The following CDH12 variants were observed in gnomAD, a reference collection of about 807,000 sequenced individuals.
CDH12 encodes cadherin-12.
In CDH12, 41 loss-of-function variants were observed where a neutral mutation model predicts 74.1. The observed-to-expected ratio is 0.55, with a 90% CI of 0.43 to 0.72. The LOEUF (loss-of-function observed/expected upper bound fraction) is 0.72. Ranked by LOEUF, CDH12 falls within the 30% of genes least tolerant of loss-of-function variation. The pLI is 0.00. For missense variants in CDH12, 945 were observed against 977.2 expected, an observed-to-expected ratio of 0.97 and a Z score of 0.44; for synonymous variants, 399 against 355.0, an observed-to-expected ratio of 1.12 and a Z score of -1.39.
chr5:21,925,084 T>C (rs575275211), intron 6 of CDH12, among the ~76,000 whole-genome samples: 2 of 151,878 alleles, frequency 1.3e-5, no homozygotes, highest in Non-Finnish European at 2.9e-5. Flanking sequence ...AAGAAAAAAA[T>C]TCCCAGCTAC....
chr5:22,098,681 C>G lies in CDH12; in HGVS notation c.-186-19819G>C, dbSNP rs983742834. Among the ~76,000 whole-genome samples the G allele has an allele frequency of 3.9e-5, 6 of 152,168 alleles. No homozygotes were observed. The East Asian group carries it at 7.7e-4, about 20-fold the overall frequency. ...CCCACAATTACAATTGTTCCTGGCC[C>G]GGACTTCAATCCGGCCTCCCACATT... On this transcript the variant is annotated intron_variant, in intron 4 of 14. Coordinates refer to ENST00000382254, the MANE Select transcript of CDH12 (RefSeq NM_004061.5).
chr5:22,024,309 G>A (rs1159738470), intron 5 of CDH12, among the ~76,000 whole-genome samples: 3 of 151,750 alleles, frequency 2.0e-5, no homozygotes, highest in Non-Finnish European at 4.4e-5. Context: ...TGCTTTTTTG[G>A]ATCCAATTCA....
intron 2 of CDH12, among the ~76,000 whole-genome samples, chr5:22,428,384 C>A (rs1744032407): frequency 6.6e-6 from 1 of 151,954 alleles, no homozygotes; most frequent in South Asian, 2.1e-4. Context: ...GGAATATACA[C>A]ATGATAAATG....
intron 5 of CDH12, among the ~76,000 whole-genome samples, chr5:22,077,747 C>T (rs1742430227): frequency 1.3e-5 from 2 of 151,804 alleles, no homozygotes; most frequent in East Asian, 1.9e-4. Context: ...CAGATAGTTG[C>T]CACCGAGTAT....
chr5:22,515,658 G>C (rs1011716367), intron 1 of CDH12, among the ~76,000 whole-genome samples: 2 of 151,856 alleles, frequency 1.3e-5, no homozygotes, highest in East Asian at 3.9e-4. Context: ...AAATAACAGG[G>C]AATCATAGAC....
intron 4 of CDH12, among the ~76,000 whole-genome samples, chr5:22,169,643 G>A (rs1748900580): frequency 6.6e-6 from 1 of 151,422 alleles, no homozygotes; most frequent in Non-Finnish European, 1.5e-5. Context: ...CTGAATCTAT[G>A]GCTACATTTT....
At chr5:22,250,700 G>T (rs777338643) in intron 3 of CDH12, among the ~76,000 whole-genome samples, 1 of 152,188 alleles carries the variant, frequency 6.6e-6, no homozygotes, top group African/African-American at 2.4e-5. Context: ...CTTCACTAAG[G>T]ATGGTAAATG....
chr5:22,556,069 A>T (rs936792721), intron 1 of CDH12, among the ~76,000 whole-genome samples: 5 of 150,576 alleles, frequency 3.3e-5, no homozygotes, highest in Admixed American at 1.3e-4. Context: ...AAAAAAAAAA[A>T]TTTCAAAGAA....
chr5:22,477,589 T>G (rs975626903), intron 2 of CDH12, among the ~76,000 whole-genome samples: 1 of 152,158 alleles, frequency 6.6e-6, no homozygotes, highest in African/African-American at 2.4e-5. Flanking sequence ...ATATTCCTTT[T>G]GGCATATACT....
At chr5:22,681,228 GGTGTGTGT>G in intron 1 of CDH12, among the ~76,000 whole-genome samples, 1 of 105,754 alleles carries the variant, frequency 9.5e-6, no homozygotes, top group Non-Finnish European at 2.2e-5. Context: ...GGTATTGGGG[GGTGTGTGT>G]GTGTGTGTGT....
chr5:21,858,978 G>A (rs538971296), intron 6 of CDH12, among the ~76,000 whole-genome samples: 2 of 151,826 alleles, frequency 1.3e-5, no homozygotes, highest in Admixed American at 1.3e-4. Flanking sequence ...CCTTTATGTA[G>A]TCAGAACACT....
intron 3 of CDH12, among the ~76,000 whole-genome samples, chr5:22,246,164 C>A (rs1204996481): frequency 1.3e-5 from 2 of 151,994 alleles, no homozygotes; most frequent in African/African-American, 4.8e-5. Context: ...TTTTGAAATC[C>A]AATTGACTAG....
intron 6 of CDH12, among the ~76,000 whole-genome samples, chr5:21,890,974 A>G (rs1752872578): frequency 6.6e-6 from 1 of 152,120 alleles, no homozygotes; most frequent in Admixed American, 6.6e-5. Flanking sequence ...TCCAAAGTAT[A>G]TAAACCCCAT....
chr5:22,600,545 G>C (rs1736807758), intron 1 of CDH12, among the ~76,000 whole-genome samples: 1 of 151,932 alleles, frequency 6.6e-6, no homozygotes, highest in Admixed American at 6.6e-5. Context: ...GTTATCTATA[G>C]TGTTGCATAG....
At chr5:22,787,892 A>C (rs1747717827) in intron 1 of CDH12, among the ~76,000 whole-genome samples, 1 of 152,186 alleles carries the variant, frequency 6.6e-6, no homozygotes, top group Non-Finnish European at 1.5e-5. Context: ...CAAGAGAGAG[A>C]AAAACCAGGT....
At position 21,753,288 on chromosome 5, in the gene CDH12, G is replaced by A. The variant is rs527383335; in HGVS notation, c.1886-1052C>T. Among the ~76,000 whole-genome samples, 433 of 152,290 alleles carry A rather than the reference G, an allele frequency of 2.8e-3. 4 individuals carry two copies. Among genetic ancestry groups the A allele is most frequent in the African/African-American group, 0.01 (417 of 41,562 alleles). On this transcript the variant is annotated intron_variant, in intron 14 of 14. Transcript: ENST00000382254. Reference sequence around the variant, plus strand: ...TTCCTCCAAAATTAGAGATGGACCAGTTGGAAGGAGAGAGGAGATCTAGGT... The same window carrying A: ...TTCCTCCAAAATTAGAGATGGACCAATTGGAAGGAGAGAGGAGATCTAGGT...
At chr5:22,351,388 T>G (rs1041513932) in intron 3 of CDH12, among the ~76,000 whole-genome samples, 1 of 152,160 alleles carries the variant, frequency 6.6e-6, no homozygotes, top group Non-Finnish European at 1.5e-5. Context: ...TCAACTGGGC[T>G]AGCTAAGCAG....
At chr5:22,662,674 GC>G (rs1221666179) in intron 1 of CDH12, among the ~76,000 whole-genome samples, 1 of 152,168 alleles carries the variant, frequency 6.6e-6, no homozygotes, top group African/African-American at 2.4e-5. Flanking sequence ...TTAGTAGTAA[GC>G]CTTAAAAAAT....
intron 5 of CDH12, among the ~76,000 whole-genome samples, chr5:22,025,981 A>C (rs1738323876): frequency 7.2e-6 from 1 of 139,742 alleles, no homozygotes; most frequent in Non-Finnish European, 1.5e-5. Flanking sequence ...TATTTCTTCC[A>C]CTGAAATCTT....
Sources: allele counts gnomAD v4.1 joint callset (sites outside exome capture counted in the v4.1 genomes callset), GRCh38; gene constraint gnomAD v4.1.1; transcripts MANE v1.5; gene names NCBI Gene and HGNC (gene_info 2026-07-23, HGNC 2026-07-21).